Variants in TMEM132D observed in about 807,000 individuals in gnomAD.
TMEM132D encodes mature OL transmembrane protein.
TMEM132D carries 21 observed loss-of-function variants against 62.3 expected under a neutral mutation model. That is an observed-to-expected ratio of 0.34 (90% CI 0.24 to 0.49). The LOEUF is 0.49. TMEM132D is among the 20% of genes least tolerant of loss of function. The pLI, the probability that TMEM132D is intolerant of heterozygous loss-of-function variation, is 0.99. For missense variants in TMEM132D, 1,346 were observed against 1,402.8 expected, an observed-to-expected ratio of 0.96 and a Z score of 0.65; for synonymous variants, 621 against 575.6, an observed-to-expected ratio of 1.08 and a Z score of -1.13.
intron 2 of TMEM132D, among the ~76,000 whole-genome samples, chr12:129,588,075 G>A (rs972582923): frequency 2.6e-5 from 4 of 152,118 alleles, no homozygotes; most frequent in African/African-American, 9.7e-5. Flanking sequence ...CAGACAACTT[G>A]CCTTATTAGT....
At chr12:129,388,373 ATG>A (rs1871185320) in intron 3 of TMEM132D, among the ~76,000 whole-genome samples, 1 of 70,474 alleles carries the variant, frequency 1.4e-5, no homozygotes, top group Admixed American at 1.3e-4. Context: ...TCCAGCACTG[ATG>A]ATAATATTAA....
In TMEM132D at chr12:129,336,029, G is replaced by C. The variant is rs577554028; in HGVS notation, c.1299+1605C>G. Among the ~76,000 whole-genome samples, 123 of 152,318 alleles carry C rather than the reference G, an allele frequency of 8.1e-4. 1 individual carries two copies. Among genetic ancestry groups the C allele is most frequent in the Middle Eastern group, 3.4e-3 (1 of 294 alleles). ...GATGGAATCCATGCACCTGACTGCT[G>C]AAGTAGAAGGAAAGATGGGGCCTGG... On this transcript the variant is annotated intron_variant, in intron 4 of 8. Transcript: ENST00000422113.
chr12:129,152,418 G>A (rs146862428), intron 5 of TMEM132D, among the ~76,000 whole-genome samples: 1 of 152,286 alleles, frequency 6.6e-6, no homozygotes, highest in Non-Finnish European at 1.5e-5. Context: ...GGAGCAGCTG[G>A]CTTGTTATCT....
rs1593141689 is a variant in TMEM132D, at chr12:129,737,638, T to G, written c.80-36940A>C. Among the ~76,000 whole-genome samples the G allele has an allele frequency of 3.3e-5, 5 of 152,224 alleles. No homozygotes were observed. In the South Asian group the frequency reaches 1.0e-3, roughly 31 times the overall value. ...GATGTTGTCCTTTTCATTTTGCACC[T>G]GCCTGATTCACTCATGTACAGACCA... is the stretch of plus-strand genomic sequence containing the variant. On this transcript the variant is annotated intron_variant, in intron 1 of 8. Transcript: ENST00000422113.
intron 3 of TMEM132D, among the ~76,000 whole-genome samples, chr12:129,412,610 A>G (rs1367808576): frequency 6.6e-6 from 1 of 152,140 alleles, no homozygotes; most frequent in Non-Finnish European, 1.5e-5. Context: ...TAATCTCAGC[A>G]CTTCAGGAGG....
At chr12:129,393,007 A>C (rs546413975) in intron 3 of TMEM132D, among the ~76,000 whole-genome samples, 1 of 152,222 alleles carries the variant, frequency 6.6e-6, no homozygotes, top group Non-Finnish European at 1.5e-5. Flanking sequence ...TTACAGGTGC[A>C]AAGATAGTCC....
intron 3 of TMEM132D, among the ~76,000 whole-genome samples, chr12:129,523,897 T>C (rs557020298): frequency 2.6e-5 from 4 of 152,342 alleles, no homozygotes. Context: ...GCAATGTAGA[T>C]AAGCTTACAT....
At chr12:129,393,414 T>C (rs1047909294) in intron 3 of TMEM132D, among the ~76,000 whole-genome samples, 3 of 152,202 alleles carry the variant, frequency 2.0e-5, no homozygotes, top group African/African-American at 7.2e-5. Flanking sequence ...CAGTGGCTTC[T>C]TGGGGATGCT....
At chr12:129,639,420 T>C (rs1412106448) in intron 2 of TMEM132D, among the ~76,000 whole-genome samples, 1 of 151,204 alleles carries the variant, frequency 6.6e-6, no homozygotes, top group African/African-American at 2.4e-5. Context: ...AGGAAACATT[T>C]ATATCAAATT....
chr12:129,671,635 G>A (rs1324028474), intron 2 of TMEM132D, among the ~76,000 whole-genome samples: 1 of 152,148 alleles, frequency 6.6e-6, no homozygotes, highest in African/African-American at 2.4e-5. Flanking sequence ...GGGCAGGGCT[G>A]GGGAAGGGTA....
chr12:129,749,289 T>A (rs10744431), intron 1 of TMEM132D, among the ~76,000 whole-genome samples: 2 of 152,138 alleles, frequency 1.3e-5, no homozygotes, highest in African/African-American at 2.4e-5. Flanking sequence ...TAGAGCCTCC[T>A]CGCTGAACTA....
At chr12:129,589,002 A>T (rs1048336555) in intron 2 of TMEM132D, among the ~76,000 whole-genome samples, 12 of 152,036 alleles carry the variant, frequency 7.9e-5, no homozygotes, top group African/African-American at 2.9e-4. Flanking sequence ...CAGTGGTTCG[A>T]ATGGCTTGGA....
In TMEM132D at chr12:129,760,292, T is replaced by G. The variant is rs888643307; in HGVS notation, c.80-59594A>C. Among the ~76,000 whole-genome samples the G allele has an allele frequency of 3.3e-5, 5 of 150,220 alleles. No homozygotes were observed. In the South Asian group the frequency reaches 8.5e-4, roughly 26 times the overall value. On this transcript the variant is annotated intron_variant, in intron 1 of 8. Coordinates refer to ENST00000422113, the MANE Select transcript of TMEM132D (RefSeq NM_133448.3). ...TGATGTTATATGACTTAAGTCTTAG[T>G]GCAACAGACAGAAATGATGTAAGCC...
chr12:129,303,068 G>A (rs1015276208), intron 4 of TMEM132D, among the ~76,000 whole-genome samples: 10 of 152,146 alleles, frequency 6.6e-5, no homozygotes, highest in African/African-American at 2.2e-4. Context: ...CCATCAGCAA[G>A]CATTGATGGC....
chr12:129,683,653 GC>G (rs1880839256), intron 2 of TMEM132D, among the ~76,000 whole-genome samples: 2 of 152,094 alleles, frequency 1.3e-5, no homozygotes, highest in African/African-American at 4.8e-5. Context: ...TAGGACCCAA[GC>G]CCACCCCACT....
intron 4 of TMEM132D, among the ~76,000 whole-genome samples, chr12:129,308,090 C>A (rs866254951): frequency 6.6e-6 from 1 of 152,132 alleles, no homozygotes; most frequent in Non-Finnish European, 1.5e-5. Context: ...TGCCTGACAC[C>A]TCTTTAGTTC....
At chr12:129,753,773 G>A (rs111850898) in intron 1 of TMEM132D, among the ~76,000 whole-genome samples, 2,298 of 152,298 alleles carry the variant, frequency 0.015, 21 homozygotes, top group Non-Finnish European at 0.025. Flanking sequence ...GACTCTACAG[G>A]ACAGGAATCT....
chr12:129,154,185 T>C (rs558853197), intron 5 of TMEM132D, among the ~76,000 whole-genome samples: 28 of 152,110 alleles, frequency 1.8e-4, no homozygotes, highest in African/African-American at 6.5e-4. Context: ...GAATGTGAGG[T>C]GGTGCATTTG....
At chr12:129,246,779 AGATAG>A (rs1247948544) in intron 4 of TMEM132D, among the ~76,000 whole-genome samples, 6 of 150,900 alleles carry the variant, frequency 4.0e-5, no homozygotes, top group Non-Finnish European at 8.8e-5. Flanking sequence ...AAAAAAAAAA[AGATAG>A]AAAGTAGGCA....
Sources: allele counts gnomAD v4.1 joint callset (sites outside exome capture counted in the v4.1 genomes callset), GRCh38; gene constraint gnomAD v4.1.1; transcripts MANE v1.5; gene names NCBI Gene and HGNC (gene_info 2026-07-23, HGNC 2026-07-21).